The following MAN1A2 variants were observed in gnomAD, a reference collection of about 807,000 sequenced individuals.
The protein encoded by MAN1A2 is mannosidase alpha class 1A member 2.
In MAN1A2, 26 loss-of-function variants were observed where a neutral mutation model predicts 75.7. The observed-to-expected ratio is 0.34, with a 90% confidence interval of 0.25 to 0.48. MAN1A2 has a LOEUF of 0.48. Among genes scored for constraint, MAN1A2 ranks in the 20% least tolerant of loss-of-function variants. MAN1A2 has a pLI of 0.99. For missense variants in MAN1A2, 562 were observed against 775.5 expected (o/e 0.72, Z 3.27); for synonymous variants, 247 against 264.6 (o/e 0.93, Z 0.65).
At chr1:117,474,948 T>C (rs574662199) in intron 8 of MAN1A2, among the ~76,000 whole-genome samples, 1 of 152,122 alleles carries the variant, frequency 6.6e-6, no homozygotes, top group South Asian at 2.1e-4. Flanking sequence ...TGGCATCCTT[T>C]ATTTGTACTC....
At position 117,492,889 on chromosome 1, in the gene MAN1A2, A is replaced by G. The variant is rs566058083; in HGVS notation, c.1169-258A>G. 8.5e-5 allele frequency among the ~76,000 whole-genome samples: 13 copies of G among 152,202 alleles called. No homozygotes were observed. In the South Asian group the frequency reaches 2.1e-3, roughly 24 times the overall value. On this transcript the variant is annotated intron_variant, in intron 8 of 12. Coordinates refer to ENST00000356554, the MANE Select transcript of MAN1A2 (RefSeq NM_006699.5). ...ATGACAGTGAACAAACTGTAATTCA[A>G]GAAAAAGACTACTAAGTATGTGAAG...
intron 12 of MAN1A2, chr1:117,515,284 A>G (rs1233041365): frequency 1.3e-5 from 2 of 155,262 alleles, no homozygotes; most frequent in Non-Finnish European, 2.8e-5. Flanking sequence ...GTGGGAGCAT[A>G]TGCATTGGTT....
At position 117,433,307 on chromosome 1, in the gene MAN1A2, A is replaced by C. The variant is rs1355899472; in HGVS notation, c.856-8924A>C. On this transcript the variant is annotated intron_variant, in intron 5 of 12. Coordinates refer to ENST00000356554, the MANE Select transcript of MAN1A2 (RefSeq NM_006699.5). Reference sequence around the variant, plus strand: ...GTGTAATGCAAATAATTCAAAATTTAAAAAAATCGAAAATTGGAAACATTT... The same window carrying C: ...GTGTAATGCAAATAATTCAAAATTTCAAAAAATCGAAAATTGGAAACATTT... Among the ~76,000 whole-genome samples, 4 of 152,126 alleles carry C rather than the reference A, an allele frequency of 2.6e-5. No individual in the cohort carries two copies. The South Asian group carries it at 8.3e-4, about 32-fold the overall frequency.
chr1:117,441,789 A>G lies in MAN1A2; in HGVS notation c.856-442A>G, dbSNP rs115489834. Among the ~76,000 whole-genome samples the G allele has an allele frequency of 9.4e-3, 1,438 of 152,266 alleles. 14 individuals carry two copies. The highest frequency in any genetic ancestry group is 0.031 in the African/African-American group (1,307 of 41,542). ...ACTCAAATGTTTTCTTTCCTTTTCT[A>G]TCATATGATTAAACCTTGATGGAAA... On this transcript the variant is annotated intron_variant, in intron 5 of 12. Coordinates refer to ENST00000356554, the MANE Select transcript of MAN1A2 (RefSeq NM_006699.5).
Position 117,526,876 on chromosome 1 carries a change from CTCTCTATATA to C in MAN1A2, c.*3921_*3930del, listed in dbSNP as rs1210426879. The C allele has an allele frequency of 2.6e-3, 175 of 67,986 alleles. No individual in the cohort carries two copies. Among genetic ancestry groups the C allele is most frequent in the African/African-American group, 7.6e-3 (129 of 17,004 alleles). 4.2% of individuals were successfully genotyped at this position (67,986 alleles called of 1,614,324 possible). On this transcript the variant is annotated 3_prime_UTR_variant, in exon 13 of 13. Coordinates refer to ENST00000356554, the MANE Select transcript of MAN1A2 (RefSeq NM_006699.5). ...TCTCTCTCTCTCTCTCTCTCTCTCT[CTCTCTATATA>C]TATATATATATATATATATATATGA...
chr1:117,468,868 T>C (rs534086321), intron 8 of MAN1A2, among the ~76,000 whole-genome samples: 1 of 152,192 alleles, frequency 6.6e-6, no homozygotes, highest in Non-Finnish European at 1.5e-5. Context: ...TTCTTTGAAT[T>C]TGTGTTTTTA....
At chr1:117,509,197 GAA>G (rs1034205160) in intron 12 of MAN1A2, among the ~76,000 whole-genome samples, 1 of 151,682 alleles carries the variant, frequency 6.6e-6, no homozygotes, top group African/African-American at 2.4e-5. Flanking sequence ...CTTAAAATTA[GAA>G]ATTATTAAGA....
chr1:117,436,584 G>A (rs1221476497), intron 5 of MAN1A2, among the ~76,000 whole-genome samples: 1 of 152,202 alleles, frequency 6.6e-6, no homozygotes, highest in Non-Finnish European at 1.5e-5. Context: ...GTCCCTGACT[G>A]CTCTTTATCC....
intron 1 of MAN1A2, among the ~76,000 whole-genome samples, chr1:117,380,607 C>G (rs752236251): frequency 6.6e-6 from 1 of 152,128 alleles, no homozygotes; most frequent in Non-Finnish European, 1.5e-5. Flanking sequence ...TGTCCCAGCA[C>G]CATTTGTTGA....
chr1:117,517,075 G>A (rs1651733969), intron 12 of MAN1A2, among the ~76,000 whole-genome samples: 1 of 152,162 alleles, frequency 6.6e-6, no homozygotes, highest in Non-Finnish European at 1.5e-5. Flanking sequence ...GGTAGAGTGA[G>A]TACTCAGGAA....
At chr1:117,513,953 GAATA>G (rs558428515) in intron 12 of MAN1A2, among the ~76,000 whole-genome samples, 156 of 152,282 alleles carry the variant, frequency 1.0e-3, no homozygotes, top group African/African-American at 3.7e-3. Flanking sequence ...AGTAATAAAT[GAATA>G]GAGTAATAGA....
intron 12 of MAN1A2, chr1:117,515,588 A>G (rs1433934101): frequency 6.6e-6 from 1 of 152,112 alleles, no homozygotes; most frequent in South Asian, 2.1e-4. Context: ...TTAAAAAAAC[A>G]CTAAAGAAAC....
At chr1:117,449,558 CAAAA>C (rs34612489) in intron 6 of MAN1A2, among the ~76,000 whole-genome samples, 1 of 106,698 alleles carries the variant, frequency 9.4e-6, no homozygotes, top group East Asian at 3.6e-4. Flanking sequence ...GACCCTGTCT[CAAAA>C]AAAAAAAAAA....
rs115358644 is a variant in MAN1A2, at chr1:117,455,977, C to T, written c.951-4512C>T. ...TTTACTTAAAAAATTTTTAAAGCAT[C>T]TGCTATAATAAAAAGGTGAGAAGAA... On this transcript the variant is annotated intron_variant, in intron 6 of 12. Coordinates refer to ENST00000356554, the MANE Select transcript of MAN1A2 (RefSeq NM_006699.5). 3.7e-3 allele frequency among the ~76,000 whole-genome samples: 568 copies of T among 152,078 alleles called. 4 individuals carry two copies. The highest frequency in any genetic ancestry group is 0.013 in the African/African-American group (544 of 41,550).
intron 5 of MAN1A2, among the ~76,000 whole-genome samples, chr1:117,429,170 A>G (rs1260960121): frequency 6.8e-6 from 1 of 147,602 alleles, no homozygotes; most frequent in African/African-American, 2.5e-5. Context: ...TTCTTAGTGC[A>G]GAACAAAATG....
chr1:117,378,570 A>G (rs1570694492), intron 1 of MAN1A2, among the ~76,000 whole-genome samples: 1 of 152,156 alleles, frequency 6.6e-6, no homozygotes, highest in African/African-American at 2.4e-5. Context: ...TCTTGGGCAC[A>G]TGTGTTTTTC....
intron 8 of MAN1A2, among the ~76,000 whole-genome samples, chr1:117,489,701 C>G (rs1018511995): frequency 1.3e-5 from 2 of 152,008 alleles, no homozygotes; most frequent in African/African-American, 2.4e-5. Context: ...CTTGGGAAGA[C>G]CAGATATGTT....
chr1:117,468,181 A>G (rs990289086), intron 8 of MAN1A2, among the ~76,000 whole-genome samples: 1 of 152,114 alleles, frequency 6.6e-6, no homozygotes, highest in African/African-American at 2.4e-5. Flanking sequence ...AAGCAAACAC[A>G]TCCTTCTTCA....
intron 11 of MAN1A2, among the ~76,000 whole-genome samples, chr1:117,502,044 T>C (rs1651217644): frequency 6.6e-6 from 1 of 151,754 alleles, no homozygotes; most frequent in Admixed American, 6.6e-5. Context: ...TCAGTATATT[T>C]TATTTAGGCA....
Sources: allele counts gnomAD v4.1 joint callset (sites outside exome capture counted in the v4.1 genomes callset), GRCh38; gene constraint gnomAD v4.1.1; transcripts MANE v1.5; gene names NCBI Gene and HGNC (gene_info 2026-07-23, HGNC 2026-07-21).